The following INTS8 variants were observed in gnomAD, a reference collection of about 807,000 sequenced individuals.
The protein encoded by INTS8 is protein kaonashi-1.
INTS8 carries 47 observed loss-of-function variants against 138.9 expected under a neutral mutation model. That is an observed-to-expected ratio of 0.34 (90% CI 0.27 to 0.43). The LOEUF (loss-of-function observed/expected upper bound fraction) is 0.43, where lower values mean the gene tolerates loss of function less well. Among genes scored for constraint, INTS8 ranks in the 20% least tolerant of loss-of-function variants. The pLI, the probability that INTS8 is intolerant of heterozygous loss-of-function variation, is 1.00. For synonymous variants in INTS8, 392 were observed against 400.9 expected, an observed-to-expected ratio of 0.98 and a Z score of 0.27; for missense variants, 996 against 1,173.0, an observed-to-expected ratio of 0.85 and a Z score of 2.20.
chr8:94,834,444 C>G (rs1814848502), intron 6 of INTS8, among the ~76,000 whole-genome samples: 1 of 151,470 alleles, frequency 6.6e-6, no homozygotes, highest in Admixed American at 6.6e-5. Context: ...AGGAGGAACT[C>G]TCTAGAATGA....
intron 14 of INTS8, among the ~76,000 whole-genome samples, chr8:94,854,401 A>G (rs1187153257): frequency 6.6e-6 from 1 of 152,194 alleles, no homozygotes; most frequent in Non-Finnish European, 1.5e-5. Context: ...TCTTGATCAA[A>G]TGAATACTGC....
chr8:94,833,597 T>A (rs1412468296), intron 6 of INTS8, among the ~76,000 whole-genome samples: 2 of 152,144 alleles, frequency 1.3e-5, no homozygotes, highest in Non-Finnish European at 2.9e-5. Flanking sequence ...TAAAAGTTGT[T>A]GATGACACTT....
chr8:94,862,428 A>G (rs1436444456), intron 16 of INTS8, among the ~76,000 whole-genome samples: 1 of 152,220 alleles, frequency 6.6e-6, no homozygotes, highest in Non-Finnish European at 1.5e-5. Flanking sequence ...CAAAGACAGC[A>G]TAGTAACTCT....
intron 10 of INTS8, among the ~76,000 whole-genome samples, chr8:94,846,358 T>TCTGCATCCCAGGTTCAAGTAATTCTC: frequency 6.6e-6 from 1 of 152,328 alleles, no homozygotes; most frequent in African/African-American, 2.4e-5. Flanking sequence ...TGGCGCAACC[T>TCTGCATCCCAGGTTCAAGTAATTCTC]CTGCATCCCA....
chr8:94,846,688 T>C (rs1394836645), intron 10 of INTS8, among the ~76,000 whole-genome samples: 1 of 152,228 alleles, frequency 6.6e-6, no homozygotes, highest in Non-Finnish European at 1.5e-5. Flanking sequence ...GCTTGCACTA[T>C]TTCACCATTT....
At chr8:94,848,955 T>G (rs1478942136) in intron 10 of INTS8, among the ~76,000 whole-genome samples, 1 of 152,090 alleles carries the variant, frequency 6.6e-6, no homozygotes, top group Non-Finnish European at 1.5e-5. Context: ...TGACCATAAC[T>G]AGTTTCTATT....
At chr8:94,859,413 C>G in intron 15 of INTS8, 98 bp from the exon 16 acceptor site, 1 of 1,230,394 alleles carries the variant, frequency 8.1e-7, no homozygotes, top group South Asian at 1.4e-5. Flanking sequence ...CATACCCGTC[C>G]TGTTTTTTTA....
rs1483885549 is a variant in INTS8, at chr8:94,872,592, G to C, written c.2533+590G>C. On this transcript the variant is annotated intron_variant, in intron 21 of 26. Transcript: ENST00000523731. ...AATGAGGTTTTCTTTTTAAAATGCT[G>C]TTTAGAGATTCTAAAATCTCTGCAG... is the stretch of plus-strand genomic sequence containing the variant. 2.6e-5 allele frequency among the ~76,000 whole-genome samples: 4 copies of C among 152,120 alleles called. No homozygotes were observed. In the East Asian group the frequency reaches 7.7e-4, roughly 29 times the overall value.
At chr8:94,833,829 TGTC>T (rs1814817015) in intron 6 of INTS8, among the ~76,000 whole-genome samples, 1 of 152,212 alleles carries the variant, frequency 6.6e-6, no homozygotes, top group African/African-American at 2.4e-5. Flanking sequence ...TAGAGTGCAA[TGTC>T]GTGATCTCAG....
rs980638517 is a variant in INTS8, at chr8:94,847,231, G to A, written c.1261-2231G>A. ...ATTTTTTTGTAGTTTTATTAGAGAC[G>A]GGGTTTTACCATGTTGGCTGGGCTG... is the stretch of plus-strand genomic sequence containing the variant. On this transcript the variant is annotated intron_variant, in intron 10 of 26. Transcript: ENST00000523731. 3.9e-5 allele frequency among the ~76,000 whole-genome samples: 6 copies of A among 152,040 alleles called. No individual in the cohort carries two copies. In the East Asian group the frequency reaches 7.7e-4, roughly 20 times the overall value.
chr8:94,881,035 A>G lies in INTS8; in HGVS notation c.*801A>G. ...TTAAAAAATGTGTTATGGCAAGGCA[A>G]ATAAACTAGTTTAAAAAACATTAAA... On this transcript the variant is annotated 3_prime_UTR_variant, in exon 27 of 27. Transcript: ENST00000523731. 1 of 398,626 alleles carries G rather than the reference A, an allele frequency of 2.5e-6. No individual in the cohort carries two copies. The highest frequency in any genetic ancestry group is 4.4e-6 in the Non-Finnish European group (1 of 225,784). The allele number at this position is 398,626 out of a possible 1,614,324, so 24.7% of individuals were successfully genotyped here. A position where few individuals can be genotyped will look rare whatever the true frequency, so the allele number is the denominator to read the frequency against.
At chr8:94,873,600 T>TA in intron 22 of INTS8, 123 bp downstream of exon 22, 5 of 679,036 alleles carry the variant, frequency 7.4e-6, no homozygotes, top group South Asian at 7.0e-5. Context: ...TTCATGGCTC[T>TA]AGAACACATT....
intron 15 of INTS8, among the ~76,000 whole-genome samples, chr8:94,858,975 TAAG>T (rs939560739): frequency 1.3e-5 from 2 of 152,114 alleles, no homozygotes; most frequent in Non-Finnish European, 2.9e-5. Context: ...GTGTTTAAAA[TAAG>T]AAGGAGGCTG....
chr8:94,827,184 G>A, intron 2 of INTS8, 79 bp from the exon 3 acceptor site: 3 of 1,240,612 alleles, frequency 2.4e-6, no homozygotes, highest in Non-Finnish European at 3.5e-6. Context: ...GGTATTTTCA[G>A]CGAGGATATG....
intron 14 of INTS8, among the ~76,000 whole-genome samples, chr8:94,855,788 T>C (rs548652008): frequency 2.0e-5 from 3 of 152,236 alleles, no homozygotes; most frequent in Admixed American, 6.5e-5. Context: ...GAAGGCAAGA[T>C]AGGGAGAAAG....
Position 94,823,303 on chromosome 8 carries a change from T to C in INTS8, c.-129T>C, listed in dbSNP as rs187896056. 3.9e-6 allele frequency: 6 copies of C among 1,521,696 alleles called. No homozygotes were observed. In the East Asian group the frequency reaches 9.9e-5, roughly 25 times the overall value. 94.3% of individuals were successfully genotyped at this position (1,521,696 alleles called of 1,614,324 possible). On this transcript the variant is annotated 5_prime_UTR_variant, in exon 1 of 27. Transcript: ENST00000523731. ...GCCCGCGCCGCCATTTTGGATTGTGTGAGTTTCCGGGACGTTCGGAGGGTG... is the reference window on the plus strand; with the variant it reads ...GCCCGCGCCGCCATTTTGGATTGTGCGAGTTTCCGGGACGTTCGGAGGGTG...
intron 6 of INTS8, 69 bp downstream of exon 6, chr8:94,832,243 A>G (rs1484916900): frequency 4.6e-6 from 5 of 1,081,444 alleles, no homozygotes; most frequent in Admixed American, 2.4e-5. Flanking sequence ...TCATCCTCCT[A>G]TTTTTAATTA....
intron 20 of INTS8, among the ~76,000 whole-genome samples, chr8:94,871,028 C>T (rs576683096): frequency 4.5e-4 from 69 of 152,246 alleles, no homozygotes; most frequent in African/African-American, 1.5e-3. Context: ...CATCCAGCCC[C>T]TGACCCCATT....
chr8:94,823,563 T>C lies in INTS8; in HGVS notation c.130+2T>C. 1 of 1,565,360 alleles carries C rather than the reference T, an allele frequency of 6.4e-7. No individual in the cohort carries two copies. Among genetic ancestry groups the C allele is most frequent in the Non-Finnish European group, 8.6e-7 (1 of 1,156,762 alleles). On this transcript the variant is annotated splice_donor_variant, in intron 1 of 26. Coordinates refer to ENST00000523731, the MANE Select transcript of INTS8 (RefSeq NM_017864.4). LOFTEE classifies it high-confidence loss of function. ...AACATCTGCGCAAGCCCTGCCCGGG[T>C]GAGCGCGGCGCCTGCACCTGGGGAG...
Sources: allele counts gnomAD v4.1 joint callset (sites outside exome capture counted in the v4.1 genomes callset), GRCh38; gene constraint gnomAD v4.1.1; transcripts MANE v1.5; gene names NCBI Gene and HGNC (gene_info 2026-07-23, HGNC 2026-07-21).